ZMIZ2: variants seen among roughly 807,000 people sequenced by gnomAD.
ZMIZ2 encodes the protein zinc finger MIZ domain-containing protein 2.
ZMIZ2 carries 26 observed loss-of-function variants against 93.9 expected under a neutral mutation model. That is an observed-to-expected ratio of 0.28 (90% CI 0.20 to 0.38). The LOEUF (loss-of-function observed/expected upper bound fraction) is 0.38, where lower values mean the gene tolerates loss of function less well. ZMIZ2 is among the 10% of genes least tolerant of loss of function. The pLI, the probability that ZMIZ2 is intolerant of heterozygous loss-of-function variation, is 1.00. For missense variants in ZMIZ2, 1,023 were observed against 1,235.0 expected (o/e 0.83, Z 2.57); for synonymous variants, 485 against 516.4 (o/e 0.94, Z 0.82).
intron 1 of ZMIZ2, among the ~76,000 whole-genome samples, chr7:44,749,316 C>T (rs1225833025): frequency 1.3e-5 from 2 of 152,088 alleles, no homozygotes; most frequent in Non-Finnish European, 2.9e-5. Context: ...AAGCGGCGCT[C>T]GGGGTTCTCC....
rs1444503567 is a variant in ZMIZ2 at position 44,757,552 on chromosome 7, G to C, written c.543G>C (p.Gln181His). The change falls in exon 5 of 19, where the codon CAG (glutamine) becomes CAC (histidine). Residue 181 changes from glutamine (Q) to histidine (H), a missense_variant. Gln to His is a conservative substitution (Grantham distance 24, BLOSUM62 0). Around this residue, in one of 3 missense-constraint regions of ZMIZ2, gnomAD observed 656 missense variants for 777.1 expected, o/e 0.84. Coordinates refer to ENST00000309315, the MANE Select transcript of ZMIZ2 (RefSeq NM_031449.4). ...AGAAGCAGAGCCAGGAGCTGAGCCA[G>C]TATGGAGCGGTGAGCCCCCTCAGCA... Reference protein sequence around the residue: ...LQEKQSQELSQYGAMGAGQSF... With the variant: ...LQEKQSQELSHYGAMGAGQSF... 1 of 1,597,220 alleles carries C rather than the reference G, an allele frequency of 6.3e-7. No individual in the cohort carries two copies. Among genetic ancestry groups the C allele is most frequent in the Non-Finnish European group, 8.5e-7 (1 of 1,170,234 alleles).
rs1263839742 is a variant in ZMIZ2, at chr7:44,764,461, G to A, written c.1903G>A (p.Gly635Arg). 1 of 1,614,068 alleles carries A rather than the reference G, an allele frequency of 6.2e-7. No individual in the cohort carries two copies. Among genetic ancestry groups the A allele is most frequent in the Non-Finnish European group, 8.5e-7 (1 of 1,180,020 alleles). Reference sequence around the variant, plus strand: ...GTACCTGCAGCTCAACTGTGAGCGGGGGACTTGGAGGTGTCCTGTGTGCAA... The same window carrying A: ...GTACCTGCAGCTCAACTGTGAGCGGAGGACTTGGAGGTGTCCTGTGTGCAA... The part of the protein sequence containing the change: ...ESYLQLNCER[G>R]TWRCPVCNKT... The change falls in exon 14 of 19, where the codon GGG (glycine) becomes AGG (arginine). Residue 635 changes from glycine (G) to arginine (R), a missense_variant. Gly to Arg is a moderately radical substitution (Grantham distance 125, BLOSUM62 -2). This residue lies in a region of ZMIZ2 where 48 missense variants were observed against 99.1 expected (regional missense o/e 0.48). Coordinates refer to ENST00000309315, the MANE Select transcript of ZMIZ2 (RefSeq NM_031449.4).
Position 44,765,544 on chromosome 7 carries a change from C to T in ZMIZ2, c.2207C>T (p.Pro736Leu), listed in dbSNP as rs751728347. Residue 736 changes from proline to leucine, a missense_variant, in exon 16 of 19, where the codon CCC becomes CTC. Pro to Leu is a moderately conservative substitution (Grantham distance 98). This residue lies in a region of ZMIZ2 where 319 missense variants were observed against 358.8 expected (regional missense o/e 0.89). Transcript: ENST00000309315. The surrounding 1 kb of genome is among the most constrained non-coding windows in gnomAD (Gnocchi z 4.1). ...GCCCCCTTTGCCCCCCTGCAGCCCC[C>T]CTCAGTCCCTGCCCCCAGCGACTAC... ...GAAPFAPLQPPSVPAPSDYPG... is the reference protein window; with the variant it reads ...GAAPFAPLQPLSVPAPSDYPG... 3.9e-6 allele frequency: 6 copies of T among 1,529,576 alleles called. No homozygotes were observed. The highest frequency in any genetic ancestry group is 1.7e-4 in the Middle Eastern group (1 of 5,772). 94.8% of individuals were successfully genotyped at this position (1,529,576 alleles called of 1,614,324 possible).
chr7:44,766,790 A>C lies in ZMIZ2; in HGVS notation c.2655+127A>C. The C allele has an allele frequency of 2.8e-6, 4 of 1,438,510 alleles. No individual in the cohort carries two copies. Among genetic ancestry groups the C allele is most frequent in the Non-Finnish European group, 3.7e-6 (4 of 1,074,294 alleles). 89.1% of individuals were successfully genotyped at this position (1,438,510 alleles called of 1,614,324 possible). A position where few individuals can be genotyped will look rare whatever the true frequency, so the allele number is the denominator to read the frequency against. The stretch of plus-strand genomic sequence containing the variant: ...AGAGCCGGTCAGATAAGGTCAACTA[A>C]ATGCAGCTTTTGTTCATGAATTAGA... On this transcript the variant is annotated intron_variant, in intron 18 of 18. Transcript: ENST00000309315. The surrounding 1 kb of genome is among the most constrained non-coding windows in gnomAD (Gnocchi z 4.4).
rs894471388 is a variant in ZMIZ2, at chr7:44,761,028, A to G, written c.1241-421A>G. Among the ~76,000 whole-genome samples, 1 of 152,154 alleles carries G rather than the reference A, an allele frequency of 6.6e-6. No homozygotes were observed. Among genetic ancestry groups the G allele is most frequent in the African/African-American group, 2.4e-5 (1 of 41,422 alleles). ...GGGGATTTATGAACCCCGGAAGCCC[A>G]TTCCAGGGAGACCACAGCAGCAGAA... On this transcript the variant is annotated intron_variant, in intron 9 of 18. Transcript: ENST00000309315. The surrounding 1 kb of genome is among the most constrained non-coding windows in gnomAD (Gnocchi z 5.8).
intron 11 of ZMIZ2, among the ~76,000 whole-genome samples, chr7:44,762,509 C>T (rs1791301767): frequency 6.6e-6 from 1 of 152,168 alleles, no homozygotes; most frequent in African/African-American, 2.4e-5. Context: ...TGGGATGTGG[C>T]AGATGTCAAC....
Position 44,762,052 on chromosome 7 carries a change from C to G in ZMIZ2, c.1596+147C>G, listed in dbSNP as rs565356067. ...GAGCGGAGCCAGGACATGGGCGGGCCGGCCTGCAGCACCATCAGATCATGC... is the reference window on the plus strand; with the variant it reads ...GAGCGGAGCCAGGACATGGGCGGGCGGGCCTGCAGCACCATCAGATCATGC... On this transcript the variant is annotated intron_variant, in intron 11 of 18. Coordinates refer to ENST00000309315, the MANE Select transcript of ZMIZ2 (RefSeq NM_031449.4). The G allele has an allele frequency of 4.5e-5, 48 of 1,068,328 alleles. No individual in the cohort carries two copies. The East Asian group carries it at 1.4e-3, about 32-fold the overall frequency. 66.2% of individuals were successfully genotyped at this position (1,068,328 alleles called of 1,614,324 possible).
At chr7:44,752,716 G>A in intron 1 of ZMIZ2, among the ~76,000 whole-genome samples, 1 of 152,042 alleles carries the variant, frequency 6.6e-6, no homozygotes, top group East Asian at 1.9e-4. Flanking sequence ...TATTGCATCC[G>A]GGCTATGGAT....
At position 44,761,381 on chromosome 7, in the gene ZMIZ2, C is replaced by A. The variant is rs908530779; in HGVS notation, c.1241-68C>A. 9.9e-5 allele frequency: 155 copies of A among 1,571,060 alleles called. No homozygotes were observed. The highest frequency in any genetic ancestry group is 1.3e-4 in the Non-Finnish European group (150 of 1,163,228). ...GGAAGGTGGCTGGGGAGCCGCTGCC[C>A]TCCTTGAGTGACACAAGACGCTCTG... is the stretch of plus-strand genomic sequence containing the variant. On this transcript the variant is annotated intron_variant, in intron 9 of 18. Coordinates refer to ENST00000309315, the MANE Select transcript of ZMIZ2 (RefSeq NM_031449.4). The surrounding 1 kb of genome is among the most constrained non-coding windows in gnomAD (Gnocchi z 5.8).
At chr7:44,767,220 G>A (rs1464577655) in intron 18 of ZMIZ2, among the ~76,000 whole-genome samples, 1 of 152,174 alleles carries the variant, frequency 6.6e-6, no homozygotes, top group Non-Finnish European at 1.5e-5. Flanking sequence ...GATGCACAGA[G>A]GGAGTGTGGA....
chr7:44,753,954 C>T (rs1052601237), intron 1 of ZMIZ2, among the ~76,000 whole-genome samples: 4 of 152,202 alleles, frequency 2.6e-5, no homozygotes, highest in Admixed American at 6.5e-5. Flanking sequence ...GAATTGCTCT[C>T]GCACCTTTGT....
intron 9 of ZMIZ2, among the ~76,000 whole-genome samples, chr7:44,760,989 T>C (rs747485646): frequency 1.3e-5 from 2 of 152,104 alleles, no homozygotes; most frequent in Non-Finnish European, 2.9e-5. Context: ...CACAAAATGT[T>C]GTATATAATT....
chr7:44,756,633 G>A (rs1020935076), intron 3 of ZMIZ2, 94 bp downstream of exon 3: 3 of 1,373,678 alleles, frequency 2.2e-6, no homozygotes, highest in South Asian at 1.2e-5. Flanking sequence ...GAGACGAAGA[G>A]GCTGAGAGGT....
chr7:44,757,864 C>A lies in ZMIZ2; in HGVS notation c.569C>A (p.Ser190Tyr), dbSNP rs1562729805. Residue 190 changes from serine (S) to tyrosine (Y), a missense_variant, in exon 6 of 19, where the codon TCT (serine) becomes TAT (tyrosine). This residue lies in a region of ZMIZ2 where 656 missense variants were observed against 777.1 expected (regional missense o/e 0.84). Coordinates refer to ENST00000309315, the MANE Select transcript of ZMIZ2 (RefSeq NM_031449.4). ...SQYGAMGAGQ[S>Y]FNSQFLQHGG... ...TCTTCCTAGATGGGGGCCGGACAGTCTTTTAACAGCCAGTTTCTGCAGCAT... is the reference window on the plus strand; with the variant it reads ...TCTTCCTAGATGGGGGCCGGACAGTATTTTAACAGCCAGTTTCTGCAGCAT... 1.3e-6 allele frequency: 2 copies of A among 1,585,818 alleles called. No homozygotes were observed. Among genetic ancestry groups the A allele is most frequent in the Admixed American group, 1.8e-5 (1 of 55,102 alleles).
chr7:44,764,083 A>G (rs558540210), intron 13 of ZMIZ2, among the ~76,000 whole-genome samples: 1 of 152,282 alleles, frequency 6.6e-6, no homozygotes, highest in African/African-American at 2.4e-5. Flanking sequence ...GGTTGCAATG[A>G]GCTGAGATCG....
intron 1 of ZMIZ2, among the ~76,000 whole-genome samples, chr7:44,751,536 T>C (rs56258112): frequency 0.088 from 13,401 of 152,336 alleles, 779 homozygotes; most frequent in Admixed American, 0.14. Flanking sequence ...AGATTCCCTC[T>C]CTGTTCTTGG....
chr7:44,749,342 G>A (rs570246011), intron 1 of ZMIZ2, among the ~76,000 whole-genome samples: 1 of 152,294 alleles, frequency 6.6e-6, no homozygotes, highest in South Asian at 2.1e-4. Flanking sequence ...GATGAAGGCT[G>A]GCCGGGCCTT....
intron 6 of ZMIZ2, among the ~76,000 whole-genome samples, 197 bp from the exon 7 acceptor site, chr7:44,759,084 T>TAA (rs71563954): frequency 0.49 from 47,163 of 96,604 alleles, 11,296 homozygotes; most frequent in East Asian, 0.71. Context: ...TGTCTCAAAT[T>TAA]AAAAAAAAAA....
At position 44,767,532 on chromosome 7, in the gene ZMIZ2, C is replaced by G. The variant is rs951965431; in HGVS notation, c.2672C>G (p.Thr891Ser). 5.0e-6 allele frequency: 8 copies of G among 1,613,984 alleles called. No individual in the cohort carries two copies. The highest frequency in any genetic ancestry group is 6.8e-6 in the Non-Finnish European group (8 of 1,180,016). The part of the protein sequence containing the change: ...EPALDLLPEL[T>S]NPDELLSYLG... ...TGTCCTCAGCTGCTCCCGGAACTGA[C>G]CAACCCTGATGAGCTACTGTCCTAC... Residue 891 changes from threonine (T) to serine (S), a missense_variant, in exon 19 of 19, where the codon ACC becomes AGC. Thr to Ser is a moderately conservative substitution (Grantham distance 58). Around this residue, in one of 3 missense-constraint regions of ZMIZ2, gnomAD observed 319 missense variants for 358.8 expected, o/e 0.89. Transcript: ENST00000309315.
Sources: allele counts gnomAD v4.1 joint callset (sites outside exome capture counted in the v4.1 genomes callset), GRCh38; gene constraint gnomAD v4.1.1; regional missense constraint gnomAD v4.1.1; non-coding constraint Gnocchi (gnomAD v3.1); transcripts MANE v1.5; gene names NCBI Gene and HGNC (gene_info 2026-07-23, HGNC 2026-07-21).